Variants in TGM3 observed in about 807,000 individuals in gnomAD.
TGM3 encodes the protein protein-glutamine gamma-glutamyltransferase E.
Under a neutral mutation model 73.8 loss-of-function variants are expected in TGM3, and 52 were observed. The observed-to-expected ratio is 0.70, with a 90% CI of 0.56 to 0.89. The LOEUF (loss-of-function observed/expected upper bound fraction) is 0.89, where lower values mean the gene tolerates loss of function less well. Among genes scored for constraint, TGM3 ranks in the 40% least tolerant of loss-of-function variants. TGM3 has a pLI of 0.00. For synonymous variants in TGM3, 372 were observed against 354.9 expected (o/e 1.05, Z -0.54); for missense variants, 928 against 909.9 (o/e 1.02, Z -0.26).
rs574225501 is a variant in TGM3 at position 2,316,179 on chromosome 20, T to A, written c.670-889T>A. Among the ~76,000 whole-genome samples the A allele has an allele frequency of 6.6e-5, 10 of 152,332 alleles. 1 individual carries two copies. In the East Asian group the frequency reaches 1.7e-3, roughly 26 times the overall value. On this transcript the variant is annotated intron_variant, in intron 5 of 12. Transcript: ENST00000381458. ...ACTTAGATTAGAACCTTAAATTGAA[T>A]AAATGAATGAGTAAACTAACAAATG... is the stretch of plus-strand genomic sequence containing the variant.
At chr20:2,302,783 A>C (rs1317702831) in intron 1 of TGM3, among the ~76,000 whole-genome samples, 3 of 151,854 alleles carry the variant, frequency 2.0e-5, no homozygotes, top group East Asian at 3.8e-4. Context: ...TAGCAGCACT[A>C]CTCACAGTAG....
At chr20:2,309,590 TAC>T in intron 1 of TGM3, 65 bp from the exon 2 acceptor site, 1 of 1,563,480 alleles carries the variant, frequency 6.4e-7, no homozygotes, top group Non-Finnish European at 8.8e-7. Context: ...TTTGGTAACT[TAC>T]ACCCTTCCCC....
intron 1 of TGM3, among the ~76,000 whole-genome samples, chr20:2,300,243 A>G (rs906557098): frequency 5.1e-5 from 6 of 118,722 alleles, no homozygotes; most frequent in African/African-American, 1.7e-4. Context: ...AAAAAAAGAA[A>G]GAAAGAAAGA....
chr20:2,332,042 G>A lies in TGM3; in HGVS notation c.1374G>A (p.Gly458=), dbSNP rs962271357. 1 of 1,613,430 alleles carries A rather than the reference G, an allele frequency of 6.2e-7. No individual in the cohort carries two copies. The highest frequency in any genetic ancestry group is 8.5e-7 in the Non-Finnish European group (1 of 1,179,614). ...QERQVFQKAL[G]KLKPNTPFAA... ...GACAAGTGTTCCAAAAGGCTTTGGG[G>A]AAACTTAAACCCAACACGCCATTTG... The change falls in exon 10 of 13, where the codon GGG becomes GGA. Residue 458 remains glycine (G), a synonymous_variant. Transcript: ENST00000381458. The surrounding 1 kb of genome is among the most constrained non-coding windows in gnomAD (Gnocchi z 4.4).
intron 1 of TGM3, among the ~76,000 whole-genome samples, chr20:2,299,923 T>C (rs1033921158): frequency 3.3e-5 from 5 of 151,624 alleles, no homozygotes; most frequent in African/African-American, 9.7e-5. Flanking sequence ...TACGACAAAA[T>C]CTCATCTACT....
intron 5 of TGM3, among the ~76,000 whole-genome samples, chr20:2,315,497 G>A (rs2084228554): frequency 6.6e-6 from 1 of 152,230 alleles, no homozygotes; most frequent in African/African-American, 2.4e-5. Flanking sequence ...ACTGCACTGA[G>A]GGCCTGGCAA....
Position 2,312,831 on chromosome 20 carries a change from G to A in TGM3, c.541-67G>A, listed in dbSNP as rs1370199445. The A allele has an allele frequency of 1.1e-5, 18 of 1,601,138 alleles. No individual in the cohort carries two copies. In the Admixed American group the frequency reaches 2.8e-4, roughly 25 times the overall value. Reference sequence around the variant, plus strand: ...AGTTCCTGTGGTTCTTGCCAGTGCAGTTCCCTTCTTGAGCCAACTCTCCTT... The same window carrying A: ...AGTTCCTGTGGTTCTTGCCAGTGCAATTCCCTTCTTGAGCCAACTCTCCTT... On this transcript the variant is annotated intron_variant, in intron 4 of 12. Transcript: ENST00000381458.
intron 5 of TGM3, among the ~76,000 whole-genome samples, chr20:2,315,081 T>C (rs2084226160): frequency 6.6e-6 from 1 of 152,084 alleles, no homozygotes; most frequent in South Asian, 2.1e-4. Context: ...TGAAACCAAA[T>C]GGCCTGGAAG....
intron 7 of TGM3, among the ~76,000 whole-genome samples, chr20:2,324,759 C>G (rs2084277659): frequency 6.6e-6 from 1 of 152,212 alleles, no homozygotes; most frequent in African/African-American, 2.4e-5. Context: ...GCTCCATGTA[C>G]TTTACCCCAA....
intron 10 of TGM3, 111 bp from the exon 11 acceptor site, chr20:2,335,005 C>A: frequency 7.3e-7 from 1 of 1,375,866 alleles, no homozygotes; most frequent in Non-Finnish European, 1.0e-6. Flanking sequence ...AAGCCCGGGG[C>A]TGCAGATCCT....
chr20:2,335,902 C>T (rs2084348071), intron 11 of TGM3, among the ~76,000 whole-genome samples: 1 of 152,240 alleles, frequency 6.6e-6, no homozygotes, highest in Non-Finnish European at 1.5e-5. Context: ...GAGAAGGGAA[C>T]AGCTGGCCAC....
rs34742355 is a variant in TGM3, at chr20:2,328,313, G to C, written c.1281G>C (p.Ala427=). The change falls in exon 9 of 13, where the codon GCG becomes GCC. Residue 427 remains alanine (A), a synonymous_variant. Transcript: ENST00000381458. The surrounding 1 kb of genome is among the most constrained non-coding windows in gnomAD (Gnocchi z 5.2). Reference sequence around the variant, plus strand: ...TTGGCAGGTACATCAGCACCAAGGCGGTGGGCAGCAATGCTCGCATGGACG... The same window carrying C: ...TTGGCAGGTACATCAGCACCAAGGCCGTGGGCAGCAATGCTCGCATGGACG... ...HTIGRYISTK[A]VGSNARMDVT... is the part of the protein sequence containing the mutation. The C allele has an allele frequency of 1.2e-6, 2 of 1,614,044 alleles. No homozygotes were observed. The highest frequency in any genetic ancestry group is 1.7e-5 in the Admixed American group (1 of 59,998).
chr20:2,335,885 G>A (rs756517654), intron 11 of TGM3, among the ~76,000 whole-genome samples: 1 of 152,198 alleles, frequency 6.6e-6, no homozygotes, highest in Non-Finnish European at 1.5e-5. Context: ...GTAAACCAAG[G>A]CCCAGAGAGA....
intron 11 of TGM3, among the ~76,000 whole-genome samples, chr20:2,335,717 C>A (rs1291468937): frequency 6.6e-6 from 1 of 152,178 alleles, no homozygotes; most frequent in Non-Finnish European, 1.5e-5. Flanking sequence ...TCACACACAG[C>A]CAGCTGATGT....
At chr20:2,309,436 G>T (rs2084191184) in intron 1 of TGM3, among the ~76,000 whole-genome samples, 1 of 152,238 alleles carries the variant, frequency 6.6e-6, no homozygotes, top group African/African-American at 2.4e-5. Flanking sequence ...TGCATCCTGT[G>T]AGCTGGCATA....
intron 7 of TGM3, among the ~76,000 whole-genome samples, chr20:2,318,180 C>T (rs188657527): frequency 1.6e-4 from 25 of 152,014 alleles, no homozygotes; most frequent in African/African-American, 5.3e-4. Flanking sequence ...CCACCATGCC[C>T]GGCTAATTTT....
At chr20:2,312,396 CAAAAAAAAAAAAA>C (rs57369938) in intron 4 of TGM3, among the ~76,000 whole-genome samples, 1 of 60,478 alleles carries the variant, frequency 1.7e-5, no homozygotes, top group Non-Finnish European at 2.9e-5. Context: ...GACTCCGTCT[CAAAAAAAAAAAAA>C]AAAAAAAAAA....
intron 11 of TGM3, among the ~76,000 whole-genome samples, chr20:2,339,369 A>C (rs928446804): frequency 1.3e-5 from 2 of 152,186 alleles, no homozygotes; most frequent in Admixed American, 1.3e-4. Context: ...GGGCACAGTG[A>C]CTTACATCTG....
chr20:2,340,032 G>GGGGGGGGGC, intron 12 of TGM3, 45 bp downstream of exon 12: 1 of 1,507,992 alleles, frequency 6.6e-7, no homozygotes, highest in Admixed American at 2.0e-5. Context: ...GCGGGAGGGG[G>GGGGGGGGGC]CGGGGGGGCC....
Sources: allele counts gnomAD v4.1 joint callset (sites outside exome capture counted in the v4.1 genomes callset), GRCh38; gene constraint gnomAD v4.1.1; non-coding constraint Gnocchi (gnomAD v3.1); transcripts MANE v1.5; gene names NCBI Gene and HGNC (gene_info 2026-07-23, HGNC 2026-07-21).